FSTL5: variants seen among roughly 807,000 people sequenced by gnomAD.
The protein encoded by FSTL5 is follistatin-related protein 5.
FSTL5 carries 62 observed loss-of-function variants against 89.1 expected under a neutral mutation model. The observed-to-expected ratio is 0.70, with a 90% CI of 0.57 to 0.86. FSTL5 has a LOEUF of 0.86. FSTL5 is among the 40% of genes least tolerant of loss of function. FSTL5 has a pLI of 0.00. For missense variants in FSTL5, 1,057 were observed against 1,001.6 expected, an observed-to-expected ratio of 1.06 and a Z score of -0.75; for synonymous variants, 383 against 346.2, an observed-to-expected ratio of 1.11 and a Z score of -1.18.
chr4:161,513,327 G>A lies in FSTL5; in HGVS notation c.1313-2903C>T, dbSNP rs1730716521. 2.0e-5 allele frequency among the ~76,000 whole-genome samples: 3 copies of A among 149,358 alleles called. No individual in the cohort carries two copies. In the Admixed American group the frequency reaches 2.0e-4, roughly 10 times the overall value. ...AGAGAGAGACAGAGGAAGAGGAGGA[G>A]GAGGAGGAGAAAGAGGGCCTTTTGA... On this transcript the variant is annotated intron_variant, in intron 10 of 15. Coordinates refer to ENST00000306100, the MANE Select transcript of FSTL5 (RefSeq NM_020116.5).
chr4:162,139,011 C>A (rs193127221), intron 1 of FSTL5, among the ~76,000 whole-genome samples: 3 of 152,126 alleles, frequency 2.0e-5, no homozygotes, highest in African/African-American at 7.2e-5. Flanking sequence ...ATTCCTCAAA[C>A]TGAGTTATAG....
chr4:161,799,790 C>T (rs529030770), intron 4 of FSTL5, among the ~76,000 whole-genome samples: 4 of 151,674 alleles, frequency 2.6e-5, no homozygotes, highest in African/African-American at 7.2e-5. Flanking sequence ...AAGATAAGTT[C>T]GTGAATGCTG....
intron 8 of FSTL5, among the ~76,000 whole-genome samples, chr4:161,555,153 T>C (rs1232947739): frequency 6.6e-6 from 1 of 151,702 alleles, no homozygotes; most frequent in East Asian, 2.0e-4. Flanking sequence ...GTTTTTTTAA[T>C]TGGGTCTTCC....
At chr4:161,684,489 T>C (rs1375555459) in intron 6 of FSTL5, among the ~76,000 whole-genome samples, 1 of 152,198 alleles carries the variant, frequency 6.6e-6, no homozygotes, top group African/African-American at 2.4e-5. Context: ...AATAGCATTG[T>C]GGTTTTAATT....
At chr4:161,526,681 C>G (rs188308861) in intron 10 of FSTL5, among the ~76,000 whole-genome samples, 368 of 152,268 alleles carry the variant, frequency 2.4e-3, no homozygotes, top group Non-Finnish European at 3.8e-3. Context: ...CCAGTTTTCC[C>G]AGCACCATTT....
intron 7 of FSTL5, among the ~76,000 whole-genome samples, chr4:161,613,406 T>G (rs1247141184): frequency 6.7e-6 from 1 of 149,686 alleles, no homozygotes; most frequent in Non-Finnish European, 1.5e-5. Flanking sequence ...GCCGAGATGG[T>G]GCCACTGCAC....
intron 8 of FSTL5, among the ~76,000 whole-genome samples, chr4:161,551,654 C>T (rs1732217625): frequency 6.6e-6 from 1 of 151,924 alleles, no homozygotes; most frequent in African/African-American, 2.4e-5. Context: ...ATCCATGGAA[C>T]AGAACAGAGC....
intron 15 of FSTL5, among the ~76,000 whole-genome samples, chr4:161,413,382 A>G (rs1242857286): frequency 1.3e-5 from 2 of 152,052 alleles, no homozygotes; most frequent in African/African-American, 4.8e-5. Flanking sequence ...GATATCATCT[A>G]AGACCAGTCA....
At chr4:161,627,204 C>G (rs1233847233) in intron 7 of FSTL5, among the ~76,000 whole-genome samples, 1 of 152,086 alleles carries the variant, frequency 6.6e-6, no homozygotes, top group Non-Finnish European at 1.5e-5. Flanking sequence ...TCACTGTTGT[C>G]TTATTTTACA....
chr4:161,638,683 G>C (rs1005524162), intron 7 of FSTL5, among the ~76,000 whole-genome samples: 4 of 135,774 alleles, frequency 2.9e-5, no homozygotes, highest in Non-Finnish European at 6.2e-5. Flanking sequence ...AAGCCGGGCA[G>C]AGACACAACC....
chr4:162,075,701 C>T (rs1360010609), intron 2 of FSTL5, among the ~76,000 whole-genome samples: 1 of 151,842 alleles, frequency 6.6e-6, no homozygotes, highest in African/African-American at 2.4e-5. Context: ...GAGCAGAAAG[C>T]TTAATTTTTT....
chr4:161,442,982 T>C (rs928882524), intron 15 of FSTL5, among the ~76,000 whole-genome samples: 3 of 152,028 alleles, frequency 2.0e-5, no homozygotes, highest in Non-Finnish European at 4.4e-5. Flanking sequence ...AATGTAATCA[T>C]AACTTATTTT....
intron 4 of FSTL5, among the ~76,000 whole-genome samples, chr4:161,849,713 C>T (rs531213717): frequency 2.6e-5 from 4 of 152,114 alleles, no homozygotes; most frequent in African/African-American, 4.8e-5. Context: ...CAAGTAGAGA[C>T]TGAATATGAG....
At chr4:161,635,829 T>C (rs975053214) in intron 7 of FSTL5, among the ~76,000 whole-genome samples, 1 of 152,134 alleles carries the variant, frequency 6.6e-6, no homozygotes, top group Non-Finnish European at 1.5e-5. Flanking sequence ...TTTGAGAACA[T>C]TTACTAGATA....
At chr4:162,034,773 T>C (rs1737667697) in intron 2 of FSTL5, among the ~76,000 whole-genome samples, 1 of 152,160 alleles carries the variant, frequency 6.6e-6, no homozygotes, top group Non-Finnish European at 1.5e-5. Context: ...TATAAAGAAC[T>C]GATTTTGCTG....
chr4:161,742,405 G>A (rs1424856051), intron 6 of FSTL5, among the ~76,000 whole-genome samples: 1 of 152,170 alleles, frequency 6.6e-6, no homozygotes, highest in African/African-American at 2.4e-5. Context: ...AGAGAGAGGG[G>A]ACCAGTTTTT....
intron 8 of FSTL5, among the ~76,000 whole-genome samples, chr4:161,554,190 A>G (rs10013649): frequency 0.038 from 5,746 of 151,546 alleles, 368 homozygotes; most frequent in African/African-American, 0.13. Flanking sequence ...AATCCTTGTA[A>G]ACATTTATCA....
At chr4:161,450,734 C>T (rs1475848159) in intron 15 of FSTL5, among the ~76,000 whole-genome samples, 2 of 148,270 alleles carry the variant, frequency 1.3e-5, no homozygotes, top group Admixed American at 6.7e-5. Flanking sequence ...GAATTACATT[C>T]ATCTTCATTT....
intron 15 of FSTL5, among the ~76,000 whole-genome samples, chr4:161,406,888 C>T (rs763578755): frequency 3.9e-5 from 6 of 152,148 alleles, no homozygotes; most frequent in Admixed American, 6.5e-5. Flanking sequence ...ATTTTGCCCA[C>T]ACCCGCCTTT....
Sources: allele counts gnomAD v4.1 joint callset (sites outside exome capture counted in the v4.1 genomes callset), GRCh38; gene constraint gnomAD v4.1.1; transcripts MANE v1.5; gene names NCBI Gene and HGNC (gene_info 2026-07-23, HGNC 2026-07-21).